Variants in MRTFA observed in about 807,000 individuals in gnomAD.
MRTFA encodes the protein myocardin related transcription factor A.
A neutral mutation model predicts 83.5 loss-of-function variants in MRTFA; 20 were observed. The observed-to-expected ratio is 0.24, with a 90% CI of 0.17 to 0.35. The LOEUF (loss-of-function observed/expected upper bound fraction) is 0.35. MRTFA is among the 10% of genes least tolerant of loss of function. MRTFA has a pLI of 1.00. For synonymous variants in MRTFA, 659 were observed against 541.2 expected (o/e 1.22, Z -3.02); for missense variants, 1,200 against 1,224.7 (o/e 0.98, Z 0.30).
intron 3 of MRTFA, among the ~76,000 whole-genome samples, chr22:40,514,748 G>A (rs1200769586): frequency 6.6e-6 from 1 of 151,808 alleles, no homozygotes; most frequent in Non-Finnish European, 1.5e-5. Flanking sequence ...CCAAAGTGCT[G>A]AGATTACAGA....
intron 2 of MRTFA, among the ~76,000 whole-genome samples, chr22:40,557,657 A>G (rs2055545365): frequency 6.6e-6 from 1 of 152,192 alleles, no homozygotes; most frequent in African/African-American, 2.4e-5. Flanking sequence ...AGAAGGAAAA[A>G]AAGTGGTTAA....
intron 1 of MRTFA, among the ~76,000 whole-genome samples, chr22:40,626,960 T>C (rs2056589860): frequency 6.6e-6 from 1 of 151,486 alleles, no homozygotes; most frequent in Admixed American, 6.6e-5. Flanking sequence ...TTCAACACAG[T>C]GCATTCTAAA....
chr22:40,601,958 T>C (rs2056264205), intron 1 of MRTFA, among the ~76,000 whole-genome samples: 1 of 152,208 alleles, frequency 6.6e-6, no homozygotes, highest in Non-Finnish European at 1.5e-5. Context: ...TTCATCCTGA[T>C]AGCAACTGGA....
At chr22:40,525,822 G>A (rs751499922) in intron 3 of MRTFA, among the ~76,000 whole-genome samples, 62 of 151,812 alleles carry the variant, frequency 4.1e-4, no homozygotes, top group Non-Finnish European at 7.2e-4. Flanking sequence ...AATACACGAA[G>A]TATTCTTATA....
chr22:40,624,491 T>C (rs764468532), intron 1 of MRTFA, among the ~76,000 whole-genome samples: 1 of 151,122 alleles, frequency 6.6e-6, no homozygotes, highest in Non-Finnish European at 1.5e-5. Context: ...ACTGAGCTAG[T>C]GAGCAATAGA....
intron 14 of MRTFA, chr22:40,412,602 C>T (rs1437503554): frequency 6.6e-6 from 1 of 152,196 alleles, no homozygotes; most frequent in Non-Finnish European, 1.5e-5. Flanking sequence ...GGAAGTGATA[C>T]TATGCTTAGT....
At chr22:40,421,173 C>T in intron 9 of MRTFA, 73 bp from the exon 10 acceptor site, 2 of 1,480,320 alleles carry the variant, frequency 1.4e-6, no homozygotes, top group Non-Finnish European at 1.8e-6. Flanking sequence ...GCAACTCTCC[C>T]CACACCTGTG....
chr22:40,502,008 G>A (rs1165821562), intron 3 of MRTFA, among the ~76,000 whole-genome samples: 4 of 130,574 alleles, frequency 3.1e-5, no homozygotes, highest in East Asian at 2.5e-4. Flanking sequence ...CCTCCCGGAC[G>A]GGGCAGCTGG....
chr22:40,441,410 T>C (rs1483750665), intron 4 of MRTFA, among the ~76,000 whole-genome samples: 1 of 152,220 alleles, frequency 6.6e-6, no homozygotes, highest in Non-Finnish European at 1.5e-5. Context: ...CTAACTTGTT[T>C]GCTGCCTAAA....
chr22:40,480,339 C>T (rs2054067702), intron 3 of MRTFA, among the ~76,000 whole-genome samples: 4 of 151,636 alleles, frequency 2.6e-5, no homozygotes, highest in Admixed American at 6.6e-5. Context: ...GCCTTGAATT[C>T]CTGGCCTCCA....
chr22:40,535,606 G>A (rs1174748547), intron 3 of MRTFA, among the ~76,000 whole-genome samples: 1 of 152,080 alleles, frequency 6.6e-6, no homozygotes, highest in Non-Finnish European at 1.5e-5. Flanking sequence ...CCCTGCCTCA[G>A]CTACCCAAAG....
chr22:40,510,390 G>C (rs1331876587), intron 3 of MRTFA, among the ~76,000 whole-genome samples: 1 of 152,064 alleles, frequency 6.6e-6, no homozygotes, highest in Non-Finnish European at 1.5e-5. Context: ...CATGTGAGGG[G>C]CTGGTAGGGT....
chr22:40,463,683 T>C (rs2053758007), intron 3 of MRTFA, among the ~76,000 whole-genome samples: 1 of 151,846 alleles, frequency 6.6e-6, no homozygotes, highest in Admixed American at 6.5e-5. Context: ...AACAAATGTT[T>C]ACCACCATAA....
rs969221612 is a variant in MRTFA at position 40,410,359 on chromosome 22, A to C, written c.*1031T>G. The C allele has an allele frequency of 1.5e-5, 4 of 263,712 alleles. No individual in the cohort carries two copies. The highest frequency in any genetic ancestry group is 2.7e-5 in the Non-Finnish European group (4 of 146,224). The allele number at this position is 263,712 out of a possible 1,614,324, so 16.3% of individuals were successfully genotyped here. A position where few individuals can be genotyped will look rare whatever the true frequency, so the allele number is the denominator to read the frequency against. ...CTTTGTCCCAGCACTGGTTTTGGTGACTCCACCCCTACTCCCCTATGAGTC... is the reference window on the plus strand; with the variant it reads ...CTTTGTCCCAGCACTGGTTTTGGTGCCTCCACCCCTACTCCCCTATGAGTC... On this transcript the variant is annotated 3_prime_UTR_variant, in exon 15 of 15. Coordinates refer to ENST00000355630, the MANE Select transcript of MRTFA (RefSeq NM_020831.6).
Position 40,581,183 on chromosome 22 carries a change from C to G in MRTFA, c.-22+13491G>C, listed in dbSNP as rs6001972. 7.3e-3 allele frequency among the ~76,000 whole-genome samples: 1,115 copies of G among 152,024 alleles called. 25 individuals are homozygous for G. In the Middle Eastern group the frequency reaches 0.075, roughly 10 times the overall value. ...ATTGACACATGTAGACCTGATTTGTCCATTCTGACTGTACTAGAGCAATAG... is the reference window on the plus strand; with the variant it reads ...ATTGACACATGTAGACCTGATTTGTGCATTCTGACTGTACTAGAGCAATAG... On this transcript the variant is annotated intron_variant, in intron 2 of 14. Transcript: ENST00000355630.
At position 40,418,529 on chromosome 22, in the gene MRTFA, C is replaced by T. The variant is rs200254736; in HGVS notation, c.2209G>A (p.Ala737Thr). The T allele has an allele frequency of 2.9e-4, 467 of 1,586,904 alleles. 1 individual carries two copies. The highest frequency in any genetic ancestry group is 1.4e-3 in the Middle Eastern group (8 of 5,906). The change falls in exon 12 of 15, where the codon GCC becomes ACC. Residue 737 changes from alanine to threonine, a missense_variant. This residue lies in a region of MRTFA where 1,107 missense variants were observed against 1,041.8 expected (regional missense o/e 1.06). Transcript: ENST00000355630. The stretch of plus-strand genomic sequence containing the variant: ...TGAGGCCCCAGAAGCAACTGGGGGG[C>T]GGGGACCGGCTCGGGCTCAGGCTGC...
At chr22:40,552,759 G>C (rs2055461737) in intron 2 of MRTFA, among the ~76,000 whole-genome samples, 2 of 152,164 alleles carry the variant, frequency 1.3e-5, no homozygotes, top group Admixed American at 1.3e-4. Flanking sequence ...AGCAACGTGA[G>C]AACAGACTAA....
chr22:40,476,725 T>A (rs1186067106), intron 3 of MRTFA, among the ~76,000 whole-genome samples: 2 of 151,962 alleles, frequency 1.3e-5, no homozygotes, highest in Non-Finnish European at 2.9e-5. Flanking sequence ...AGTGCTGGAG[T>A]ACAGATATGA....
chr22:40,480,616 A>T (rs2054072252), intron 3 of MRTFA, among the ~76,000 whole-genome samples: 1 of 152,138 alleles, frequency 6.6e-6, no homozygotes, highest in Non-Finnish European at 1.5e-5. Flanking sequence ...TCCAAAAGGA[A>T]TCGAGATTTT....
Sources: allele counts gnomAD v4.1 joint callset (sites outside exome capture counted in the v4.1 genomes callset), GRCh38; gene constraint gnomAD v4.1.1; regional missense constraint gnomAD v4.1.1; transcripts MANE v1.5; gene names NCBI Gene and HGNC (gene_info 2026-07-23, HGNC 2026-07-21).